Variants in COL26A1 observed in about 807,000 individuals in gnomAD.
COL26A1 encodes the protein collagen alpha-1(XXVI) chain.
A neutral mutation model predicts 59.3 loss-of-function variants in COL26A1; 41 were observed. That is an observed-to-expected ratio of 0.69 (90% CI 0.54 to 0.90). The LOEUF (loss-of-function observed/expected upper bound fraction) is 0.90. Ranked by LOEUF, COL26A1 falls within the 40% of genes least tolerant of loss-of-function variation. COL26A1 has a pLI of 0.00. For synonymous variants in COL26A1, 266 were observed against 256.0 expected (o/e 1.04, Z -0.37); for missense variants, 612 against 602.3 (o/e 1.02, Z -0.17).
At chr7:101,469,487 A>C (rs1793842406) in intron 3 of COL26A1, among the ~76,000 whole-genome samples, 1 of 136,294 alleles carries the variant, frequency 7.3e-6, no homozygotes, top group African/African-American at 2.9e-5. Flanking sequence ...GGTTTACACG[A>C]TTTCTCTCTT....
At chr7:101,454,408 G>A (rs1462274356) in intron 3 of COL26A1, among the ~76,000 whole-genome samples, 5 of 151,456 alleles carry the variant, frequency 3.3e-5, no homozygotes, top group South Asian at 2.1e-4. Context: ...ACAGGTGCCC[G>A]CCACCACACC....
intron 1 of COL26A1, among the ~76,000 whole-genome samples, chr7:101,400,353 A>ATTTTTTTTTTTTTTT (rs574852983): frequency 1.0e-5 from 1 of 97,256 alleles, no homozygotes; most frequent in Non-Finnish European, 1.9e-5. Flanking sequence ...TTTTTTTCCT[A>ATTTTTTTTTTTTTTT]TTTTTTTTTT....
At chr7:101,459,446 C>T (rs1468110790) in intron 3 of COL26A1, among the ~76,000 whole-genome samples, 1 of 151,320 alleles carries the variant, frequency 6.6e-6, no homozygotes, top group Admixed American at 6.6e-5. Flanking sequence ...ATTACAGGTG[C>T]CCACCACCAC....
intron 2 of COL26A1, among the ~76,000 whole-genome samples, chr7:101,435,201 C>T (rs1415279290): frequency 2.0e-5 from 3 of 152,152 alleles, no homozygotes; most frequent in Non-Finnish European, 4.4e-5. Flanking sequence ...GGCGGTTGCT[C>T]CTAGCTACTC....
Position 101,555,801 on chromosome 7 carries a change from G to T in COL26A1, c.1095G>T (p.Gln365His), listed in dbSNP as rs374916112. The T allele has an allele frequency of 1.9e-5, 30 of 1,610,540 alleles. No individual in the cohort carries two copies. Among genetic ancestry groups the T allele is most frequent in the Non-Finnish European group, 2.4e-5 (28 of 1,178,934 alleles). ...CTCCCCGCCAGGGCGAGGGGGTGCA[G>T]CAGCTGAGAGAGGCCCTGAAGATCC... ...KAATAEGEGV[Q>H]QLREALKILA... The change falls in exon 12 of 13, where the codon CAG becomes CAT. Residue 365 changes from glutamine (Q) to histidine (H), a missense_variant. Gln to His is a conservative substitution (Grantham distance 24). Transcript: ENST00000313669.
At chr7:101,446,601 C>T (rs572304353) in intron 2 of COL26A1, among the ~76,000 whole-genome samples, 21 of 152,152 alleles carry the variant, frequency 1.4e-4, no homozygotes, top group Non-Finnish European at 2.9e-4. Flanking sequence ...AATCGCAGCA[C>T]TTTGGAAGGC....
At chr7:101,468,160 G>A (rs1305529755) in intron 3 of COL26A1, among the ~76,000 whole-genome samples, 2 of 151,624 alleles carry the variant, frequency 1.3e-5, no homozygotes, top group African/African-American at 2.4e-5. Flanking sequence ...AAAATTAGCC[G>A]GGCATGGTGG....
intron 3 of COL26A1, among the ~76,000 whole-genome samples, chr7:101,503,525 G>A (rs2130565128): frequency 6.6e-6 from 1 of 152,300 alleles, no homozygotes; most frequent in Non-Finnish European, 1.5e-5. Flanking sequence ...TGAGACTACA[G>A]GTGTACATCA....
At chr7:101,380,721 A>G (rs922412963) in intron 1 of COL26A1, among the ~76,000 whole-genome samples, 1 of 152,182 alleles carries the variant, frequency 6.6e-6, no homozygotes, top group Non-Finnish European at 1.5e-5. Context: ...ACTCCTGCCC[A>G]GACTTTAGAG....
At position 101,545,513 on chromosome 7, in the gene COL26A1, C is replaced by A. The variant is rs527847894; in HGVS notation, c.856+23C>A. On this transcript the variant is annotated intron_variant, in intron 7 of 12. Transcript: ENST00000313669. ...ACAGTGAGTAATGCCCCTGGGGGGC[C>A]AAGGGAGGGCTGAGCTACGCTGTGT... is the stretch of plus-strand genomic sequence containing the variant. 1.1e-4 allele frequency: 169 copies of A among 1,586,350 alleles called. 1 individual carries two copies. The South Asian group carries it at 1.8e-3, about 16-fold the overall frequency.
At position 101,489,804 on chromosome 7, in the gene COL26A1, T is replaced by TG. The variant is rs1563007969; in HGVS notation, c.385+42017_385+42018insG. On this transcript the variant is annotated intron_variant, in intron 3 of 12. Coordinates refer to ENST00000313669, the MANE Select transcript of COL26A1 (RefSeq NM_001278563.3). ...TTTCTTTCTTTCTTTCTTTCTTTCTTTCTTTCTTTCTTTCTTTCTTTCTTT... is the reference window on the plus strand; with the variant it reads ...TTTCTTTCTTTCTTTCTTTCTTTCTTGTCTTTCTTTCTTTCTTTCTTTCTTT... Among the ~76,000 whole-genome samples, 20 of 2,188 alleles carry TG rather than the reference T, an allele frequency of 9.1e-3. 2 individuals carry two copies. Among genetic ancestry groups the TG allele is most frequent in the South Asian group, 0.02 (2 of 98 alleles). 1.4% of individuals were successfully genotyped at this position (2,188 alleles called of 152,430 possible).
chr7:101,432,963 A>G (rs1343674121), intron 2 of COL26A1, among the ~76,000 whole-genome samples: 3 of 152,096 alleles, frequency 2.0e-5, no homozygotes, highest in Admixed American at 1.3e-4. Context: ...CGGCCTCCCA[A>G]AGTGCTGGGA....
At chr7:101,523,040 T>C (rs972919934) in intron 3 of COL26A1, among the ~76,000 whole-genome samples, 1 of 152,124 alleles carries the variant, frequency 6.6e-6, no homozygotes, top group African/African-American at 2.4e-5. Context: ...TCATTCATTC[T>C]CTTAATGGTG....
intron 3 of COL26A1, among the ~76,000 whole-genome samples, chr7:101,459,142 G>T (rs1793548276): frequency 6.6e-6 from 1 of 151,872 alleles, no homozygotes; most frequent in African/African-American, 2.4e-5. Flanking sequence ...TCCTAATTAG[G>T]TGCCCTTTAC....
intron 1 of COL26A1, among the ~76,000 whole-genome samples, chr7:101,387,824 C>A (rs1215939893): frequency 1.4e-5 from 2 of 139,362 alleles, no homozygotes; most frequent in Non-Finnish European, 3.0e-5. Flanking sequence ...GGCTGGAGTG[C>A]AGTGGTGCAA....
chr7:101,503,717 C>T (rs935682172), intron 3 of COL26A1, among the ~76,000 whole-genome samples: 4 of 152,146 alleles, frequency 2.6e-5, no homozygotes, highest in African/African-American at 7.2e-5. Flanking sequence ...CCAGCACTTG[C>T]GGACAGGGGG....
intron 1 of COL26A1, among the ~76,000 whole-genome samples, chr7:101,394,869 C>CTTTTTTTTT (rs61005447): frequency 1.1e-4 from 11 of 97,042 alleles, no homozygotes; most frequent in African/African-American, 1.7e-4. Flanking sequence ...TTTTTCTTTT[C>CTTTTTTTTT]TTTTTTTTTT....
chr7:101,472,759 C>T (rs976893037), intron 3 of COL26A1, among the ~76,000 whole-genome samples: 1 of 152,086 alleles, frequency 6.6e-6, no homozygotes, highest in African/African-American at 2.4e-5. Flanking sequence ...ATAAACACCG[C>T]AATCTGTGGC....
chr7:101,466,837 T>TGTGTGTGTGTGTGTGTGTGTGAGA (rs764059657), intron 3 of COL26A1, among the ~76,000 whole-genome samples: 29 of 122,626 alleles, frequency 2.4e-4, no homozygotes, highest in Non-Finnish European at 3.5e-4. Context: ...TGTGTGTGTG[T>TGTGTGTGTGTGTGTGTGTGTGAGA]GAGAGAGAGA....
Sources: gnomAD v4.1 joint callset for allele counts (sites outside exome capture counted in the v4.1 genomes callset) on GRCh38, gnomAD v4.1.1 for gene constraint, MANE v1.5 for transcripts, NCBI Gene and HGNC (gene_info 2026-07-23, HGNC 2026-07-21) for gene names.